PDE7B: variants seen among roughly 807,000 people sequenced by gnomAD.
The protein encoded by PDE7B is 3',5'-cyclic-AMP phosphodiesterase 7B.
PDE7B carries 29 observed loss-of-function variants against 56.2 expected under a neutral mutation model. The ratio of observed to expected loss-of-function variants is 0.52; its 90% CI spans 0.38 to 0.70. The LOEUF (loss-of-function observed/expected upper bound fraction) is 0.70, where lower values mean the gene tolerates loss of function less well. Among genes scored for constraint, PDE7B ranks in the 30% least tolerant of loss-of-function variants. The pLI is 0.00. For synonymous variants in PDE7B, 197 were observed against 196.9 expected, an observed-to-expected ratio of 1.00 and a Z score of 0.00; for missense variants, 490 against 565.0, an observed-to-expected ratio of 0.87 and a Z score of 1.35.
At chr6:136,113,945 C>A (rs551718457) in intron 3 of PDE7B, among the ~76,000 whole-genome samples, 1 of 152,134 alleles carries the variant, frequency 6.6e-6, no homozygotes, top group South Asian at 2.1e-4. Flanking sequence ...ATTTCCACAC[C>A]GGCTCAGCAG....
chr6:136,098,062 C>G (rs1430591003), intron 2 of PDE7B: 2 of 148,012 alleles, frequency 1.4e-5, no homozygotes, highest in Admixed American at 1.4e-4. Flanking sequence ...GGGAACCTCA[C>G]AGCAACCTCC....
intron 1 of PDE7B, among the ~76,000 whole-genome samples, chr6:135,859,335 A>T (rs1178419263): frequency 6.6e-6 from 1 of 151,374 alleles, no homozygotes; most frequent in Non-Finnish European, 1.5e-5. Flanking sequence ...ACCTAATTTC[A>T]ATTGGGTTTT....
rs78491255 is a variant in PDE7B at position 136,045,940 on chromosome 6, A to G, written c.83-62791A>G. Among the ~76,000 whole-genome samples the G allele has an allele frequency of 2.0e-3, 308 of 151,836 alleles. 1 individual carries two copies. The highest frequency in any genetic ancestry group is 3.5e-3 in the Non-Finnish European group (238 of 67,920). ...TTCTTAACCTCTGGAATTAAAGCCA[A>G]AGCTAAAGAAAGATTGTCTTTCTTG... On this transcript the variant is annotated intron_variant, in intron 2 of 12. Transcript: ENST00000308191.
intron 11 of PDE7B, 144 bp downstream of exon 11, chr6:136,181,467 T>A: frequency 1.6e-6 from 1 of 619,000 alleles, no homozygotes; most frequent in Non-Finnish European, 2.9e-6. Flanking sequence ...TTTACTCTCT[T>A]GGAACTCATC....
At chr6:135,925,799 G>A (rs138742469) in intron 1 of PDE7B, among the ~76,000 whole-genome samples, 223 of 152,198 alleles carry the variant, frequency 1.5e-3, no homozygotes, top group African/African-American at 5.2e-3. Flanking sequence ...TTTCTGAAAG[G>A]CACTAGCCTG....
chr6:136,142,796 T>G (rs1033639910), intron 3 of PDE7B, among the ~76,000 whole-genome samples: 4 of 152,174 alleles, frequency 2.6e-5, no homozygotes, highest in African/African-American at 9.7e-5. Flanking sequence ...TTGTTTTCCA[T>G]TTTCTTGGTA....
rs141799412 is a variant in PDE7B, at chr6:135,951,975, A to G, written c.82+4451A>G. Among the ~76,000 whole-genome samples, 58 of 152,352 alleles carry G rather than the reference A, an allele frequency of 3.8e-4. No homozygotes were observed. The East Asian group carries it at 7.9e-3, about 21-fold the overall frequency. On this transcript the variant is annotated intron_variant, in intron 2 of 12. Transcript: ENST00000308191. ...TTTTATTAACACTCAACATAGGCAT[A>G]GAGGGACTTGCTTTGTAGCACTAGC...
chr6:135,883,056 G>A (rs1775638571), intron 1 of PDE7B, among the ~76,000 whole-genome samples: 1 of 152,158 alleles, frequency 6.6e-6, no homozygotes, highest in South Asian at 2.1e-4. Context: ...GTATCAGGGT[G>A]TCCAGGTGCC....
chr6:136,073,667 G>T (rs1207732528), intron 2 of PDE7B, among the ~76,000 whole-genome samples: 1 of 152,100 alleles, frequency 6.6e-6, no homozygotes, highest in East Asian at 1.9e-4. Context: ...CTCCATATAG[G>T]TCACATTCTG....
At chr6:136,004,276 C>T (rs1775732622) in intron 2 of PDE7B, among the ~76,000 whole-genome samples, 1 of 152,142 alleles carries the variant, frequency 6.6e-6, no homozygotes, top group African/African-American at 2.4e-5. Flanking sequence ...GGAAGCATTC[C>T]CTTTGAAAAC....
chr6:136,080,302 C>A (rs749199567), intron 2 of PDE7B, among the ~76,000 whole-genome samples: 4 of 152,196 alleles, frequency 2.6e-5, no homozygotes, highest in Non-Finnish European at 4.4e-5. Flanking sequence ...AAGTCCCCTA[C>A]CCCCAGCTTT....
chr6:135,947,435 A>G (rs1296729138), intron 1 of PDE7B, 29 bp from the exon 2 acceptor site: 8 of 1,491,100 alleles, frequency 5.4e-6, no homozygotes, highest in Non-Finnish European at 7.5e-6. Flanking sequence ...TGAAATCTTA[A>G]AATAACCTTG....
intron 1 of PDE7B, among the ~76,000 whole-genome samples, chr6:135,876,686 C>T (rs1038010277): frequency 3.3e-5 from 5 of 151,966 alleles, no homozygotes; most frequent in African/African-American, 1.2e-4. Flanking sequence ...GTGAGACCCC[C>T]GTCTCTACTA....
chr6:135,982,198 G>A (rs761872538), intron 2 of PDE7B, among the ~76,000 whole-genome samples: 1 of 152,126 alleles, frequency 6.6e-6, no homozygotes, highest in Non-Finnish European at 1.5e-5. Flanking sequence ...TGCCAAATTG[G>A]CTTAAGCATA....
At chr6:136,186,266 T>A (rs576092717) in intron 11 of PDE7B, among the ~76,000 whole-genome samples, 1 of 151,744 alleles carries the variant, frequency 6.6e-6, no homozygotes, top group Admixed American at 6.6e-5. Flanking sequence ...AAATAAAAAT[T>A]TAAAAATATA....
At chr6:136,157,038 G>A (rs1024665166) in intron 8 of PDE7B, among the ~76,000 whole-genome samples, 3 of 152,148 alleles carry the variant, frequency 2.0e-5, no homozygotes, top group African/African-American at 7.2e-5. Flanking sequence ...AGTGAGGTGA[G>A]TACTATTATC....
chr6:136,186,645 C>A (rs2128452303), intron 11 of PDE7B, among the ~76,000 whole-genome samples: 1 of 152,246 alleles, frequency 6.6e-6, no homozygotes, highest in African/African-American at 2.4e-5. Context: ...TAGGGTCAGG[C>A]AGCGTGAAAG....
intron 2 of PDE7B, among the ~76,000 whole-genome samples, chr6:136,013,160 A>G (rs1393262483): frequency 6.6e-6 from 1 of 152,232 alleles, no homozygotes; most frequent in African/African-American, 2.4e-5. Context: ...TTTTATTTTA[A>G]AATTCCTATG....
At chr6:136,066,374 G>T (rs561192501) in intron 2 of PDE7B, among the ~76,000 whole-genome samples, 2 of 152,200 alleles carry the variant, frequency 1.3e-5, no homozygotes, top group Non-Finnish European at 2.9e-5. Flanking sequence ...GGATGACTCC[G>T]AACCAAATAC....
Sources: allele counts gnomAD v4.1 joint callset (sites outside exome capture counted in the v4.1 genomes callset), GRCh38; gene constraint gnomAD v4.1.1; transcripts MANE v1.5; gene names NCBI Gene and HGNC (gene_info 2026-07-23, HGNC 2026-07-21).